Variants in FYB1 observed in about 807,000 individuals in gnomAD.
FYB1 encodes the protein FYN binding protein 1.
FYB1 carries 41 observed loss-of-function variants against 94.1 expected under a neutral mutation model. The ratio of observed to expected loss-of-function variants is 0.44; its 90% CI spans 0.34 to 0.57. The LOEUF is 0.57. Among genes scored for constraint, FYB1 ranks in the 20% least tolerant of loss-of-function variants. The pLI is 0.02. For synonymous variants in FYB1, 367 were observed against 353.2 expected, an observed-to-expected ratio of 1.04 and a Z score of -0.44; for missense variants, 1,050 against 976.8, an observed-to-expected ratio of 1.07 and a Z score of -1.00.
At chr5:39,235,050 GAATAATAATAAT>G (rs36227810) in intron 1 of FYB1, among the ~76,000 whole-genome samples, 24,219 of 148,526 alleles carry the variant, frequency 0.16, 5,243 homozygotes, top group African/African-American at 0.47. Context: ...AGAACTTAAA[GAATAATAATAAT>G]AATAATAATA....
chr5:39,133,883 T>G lies in FYB1; in HGVS notation c.1817+325A>C, dbSNP rs7724541. Among the ~76,000 whole-genome samples the G allele has an allele frequency of 0.086, 13,085 of 152,228 alleles. 1,537 individuals carry two copies. The highest frequency in any genetic ancestry group is 0.25 in the African/African-American group (10,514 of 41,510). On this transcript the variant is annotated intron_variant, in intron 9 of 18. Transcript: ENST00000512982. ...TAAATTTTATATTTTATGCTTCATATTTTACCAAATCATATTTCATTAGGC... is the reference window on the plus strand; with the variant it reads ...TAAATTTTATATTTTATGCTTCATAGTTTACCAAATCATATTTCATTAGGC...
At chr5:39,227,880 T>C (rs915726879) in intron 1 of FYB1, among the ~76,000 whole-genome samples, 3 of 152,208 alleles carry the variant, frequency 2.0e-5, no homozygotes, top group Admixed American at 2.0e-4. Flanking sequence ...CTTTATAGAA[T>C]TGTTTTTCTT....
At chr5:39,170,426 A>G in intron 2 of FYB1, 1 of 460,624 alleles carries the variant, frequency 2.2e-6, no homozygotes, top group South Asian at 3.1e-5. Context: ...CCCCCTCAGC[A>G]GCAGACCTGG....
intron 1 of FYB1, among the ~76,000 whole-genome samples, chr5:39,205,952 T>A (rs1748810990): frequency 6.6e-6 from 1 of 152,236 alleles, no homozygotes. Flanking sequence ...TTGCACGTAA[T>A]ATATATGTAA....
chr5:39,183,643 A>G (rs928626720), intron 2 of FYB1, among the ~76,000 whole-genome samples: 1 of 152,152 alleles, frequency 6.6e-6, no homozygotes, highest in Non-Finnish European at 1.5e-5. Context: ...CCTACTCTCT[A>G]TGTGTCCCTA....
chr5:39,260,522 G>A (rs1480719759), intron 1 of FYB1, among the ~76,000 whole-genome samples: 1 of 152,106 alleles, frequency 6.6e-6, no homozygotes, highest in Admixed American at 6.5e-5. Flanking sequence ...GTGAAGCATA[G>A]TAAAAGCTCA....
chr5:39,257,782 T>C (rs2897020), intron 1 of FYB1, among the ~76,000 whole-genome samples: 48,151 of 151,406 alleles, frequency 0.32, 9,311 homozygotes, highest in African/African-American at 0.55. Flanking sequence ...AGACTTTGAC[T>C]GGATGTTTCA....
rs430630 is a variant in FYB1 at position 39,108,220 on chromosome 5, A to G, written c.2467+11T>C. On this transcript the variant is annotated intron_variant, in intron 18 of 18. Transcript: ENST00000512982. ...TGACTGTTCTCTAGGGTGGTACTACATAAGACTTACCATCAGCAATATCAT... is the reference window on the plus strand; with the variant it reads ...TGACTGTTCTCTAGGGTGGTACTACGTAAGACTTACCATCAGCAATATCAT... 1,338,508 of 1,516,690 alleles carry G rather than the reference A, an allele frequency of 0.88. 591,946 individuals carry two copies. The highest frequency in any genetic ancestry group is 0.96 in the South Asian group (79,006 of 82,728). The allele number at this position is 1,516,690 out of a possible 1,614,324, so 94.0% of individuals were successfully genotyped here.
At chr5:39,188,719 G>A (rs1163484137) in intron 2 of FYB1, among the ~76,000 whole-genome samples, 1 of 151,946 alleles carries the variant, frequency 6.6e-6, no homozygotes, top group Non-Finnish European at 1.5e-5. Context: ...TTTTAGTATA[G>A]ATGGGGTTTC....
At chr5:39,223,884 C>T (rs2150559117), upstream of FYB1, among the ~76,000 whole-genome samples, 1 of 152,184 alleles carries the variant, frequency 6.6e-6, no homozygotes, top group East Asian at 1.9e-4. Context: ...CTTTATACCC[C>T]AGCCCAAATT....
rs379707 is a variant in FYB1 at position 39,119,621 on chromosome 5, C to A, written c.2152G>T (p.Val718Phe). ...SSAEMSQGTNVGKAKTEEKDL... is the reference protein window; with the variant it reads ...SSAEMSQGTNFGKAKTEEKDL... ...TTTTCTTCTGTCTTAGCTTTTCCAA[C>A]ATTAGTTCCTTGACTAGAACGGCAG... Residue 718 changes from valine (V) to phenylalanine (F), a missense_variant, in exon 15 of 19, where the codon GTT becomes TTT. Val to Phe is a conservative substitution (Grantham distance 50). Coordinates refer to ENST00000512982, the MANE Select transcript of FYB1 (RefSeq NM_001465.6). 1,028,589 of 1,529,164 alleles carry A rather than the reference C, an allele frequency of 0.67. 354,831 individuals are homozygous for A. The highest frequency in any genetic ancestry group is 0.72 in the South Asian group (56,297 of 78,448). The allele number at this position is 1,529,164 out of a possible 1,614,324, so 94.7% of individuals were successfully genotyped here.
intron 13 of FYB1, among the ~76,000 whole-genome samples, chr5:39,123,074 T>A (rs540376979): frequency 3.3e-5 from 5 of 152,184 alleles, no homozygotes. Context: ...TTCTTACTAA[T>A]AAAGTCAGGA....
At chr5:39,167,724 T>C (rs987898935) in intron 2 of FYB1, among the ~76,000 whole-genome samples, 5 of 152,222 alleles carry the variant, frequency 3.3e-5, no homozygotes, top group Non-Finnish European at 5.9e-5. Context: ...GATCTAAAAG[T>C]AGAATTGCTG....
chr5:39,181,427 T>C, intron 2 of FYB1, among the ~76,000 whole-genome samples: 1 of 152,176 alleles, frequency 6.6e-6, no homozygotes, highest in East Asian at 1.9e-4. Context: ...GTGGATACTA[T>C]ATAGGACAGT....
chr5:39,136,320 C>T (rs368498375), intron 7 of FYB1, among the ~76,000 whole-genome samples: 9 of 152,074 alleles, frequency 5.9e-5, no homozygotes, highest in African/African-American at 1.9e-4. Flanking sequence ...CCACCCACCT[C>T]GGCCTCCCAA....
At chr5:39,208,294 G>T (rs987918668) in intron 1 of FYB1, among the ~76,000 whole-genome samples, 4 of 152,160 alleles carry the variant, frequency 2.6e-5, no homozygotes, top group Non-Finnish European at 4.4e-5. Flanking sequence ...TGCTGTGGCT[G>T]CTGTTACTCT....
At chr5:39,238,036 A>G (rs994269114) in intron 1 of FYB1, among the ~76,000 whole-genome samples, 4 of 152,100 alleles carry the variant, frequency 2.6e-5, no homozygotes, top group African/African-American at 7.2e-5. Flanking sequence ...GGTGGATGTA[A>G]TCAAAATTCA....
intron 2 of FYB1, among the ~76,000 whole-genome samples, chr5:39,176,739 T>G (rs1030272793): frequency 1.3e-5 from 2 of 152,230 alleles, no homozygotes; most frequent in African/African-American, 4.8e-5. Flanking sequence ...GAAATGAGGC[T>G]TTTTGTTAAA....
chr5:39,167,809 C>T (rs1744875511), intron 2 of FYB1, among the ~76,000 whole-genome samples: 1 of 152,180 alleles, frequency 6.6e-6, no homozygotes, highest in Admixed American at 6.5e-5. Context: ...AGCAATGTGC[C>T]TCAATGAAGT....
Sources: allele counts gnomAD v4.1 joint callset (sites outside exome capture counted in the v4.1 genomes callset), GRCh38; gene constraint gnomAD v4.1.1; transcripts MANE v1.5; gene names NCBI Gene and HGNC (gene_info 2026-07-23, HGNC 2026-07-21).